Variants in SLC17A1 observed in about 807,000 individuals in gnomAD.
SLC17A1 encodes the protein sodium-dependent phosphate transport protein 1.
Under a neutral mutation model 53.5 loss-of-function variants are expected in SLC17A1, and 51 were observed. That is an observed-to-expected ratio of 0.95 (90% confidence interval 0.76 to 1.20). The LOEUF is 1.20. SLC17A1 is among the 50% of genes most tolerant of loss of function. The pLI is 0.00. For synonymous variants in SLC17A1, 179 were observed against 198.8 expected (o/e 0.90, Z 0.84); for missense variants, 538 against 568.2 (o/e 0.95, Z 0.54).
the SLC17A1 span, among the ~76,000 whole-genome samples, chr6:25,746,856 G>A: frequency 6.6e-6 from 1 of 152,132 alleles, no homozygotes; most frequent in African/African-American, 2.4e-5. Flanking sequence ...AGGATTGATG[G>A]TATGCCACTT....
chr6:25,730,048 T>C, the SLC17A1 span, among the ~76,000 whole-genome samples: 1 of 152,198 alleles, frequency 6.6e-6, no homozygotes, highest in African/African-American at 2.4e-5. Context: ...GTGCTTCAAA[T>C]AAGATTGAAA....
chr6:25,726,010 T>C, the SLC17A1 span: 6 of 859,512 alleles, frequency 7.0e-6, no homozygotes, highest in South Asian at 7.2e-5. Context: ...GCAAGTAAGA[T>C]GGCTGGTTAA....
intron 3 of SLC17A1, among the ~76,000 whole-genome samples, chr6:25,822,962 C>T (rs1764616736): frequency 6.6e-6 from 1 of 152,000 alleles, no homozygotes; most frequent in African/African-American, 2.4e-5. Flanking sequence ...TAATTCCTCC[C>T]TCCTGCCCTC....
At chr6:25,793,038 T>C (rs886625783) in intron 12 of SLC17A1, among the ~76,000 whole-genome samples, 5 of 152,310 alleles carry the variant, frequency 3.3e-5, no homozygotes, top group African/African-American at 9.6e-5. Flanking sequence ...ATAGACAGAA[T>C]TGGATGCAAA....
the SLC17A1 span, among the ~76,000 whole-genome samples, chr6:25,737,493 A>G: frequency 2.1e-3 from 318 of 152,196 alleles, 1 homozygote; most frequent in African/African-American, 7.2e-3. Flanking sequence ...GAGTAGTAAT[A>G]AAACTCTAGT....
At chr6:25,723,961 A>G in the SLC17A1 span, among the ~76,000 whole-genome samples, 2 of 152,362 alleles carry the variant, frequency 1.3e-5, no homozygotes, top group South Asian at 4.1e-4. Flanking sequence ...CAGAAATGAC[A>G]GAATAAGGAA....
intron 12 of SLC17A1, among the ~76,000 whole-genome samples, chr6:25,788,041 G>C (rs1763420955): frequency 6.6e-6 from 1 of 152,170 alleles, no homozygotes; most frequent in Non-Finnish European, 1.5e-5. Flanking sequence ...GAATCTGGTG[G>C]TTCTGTAACA....
chr6:25,802,227 T>C (rs1763801019), intron 10 of SLC17A1, among the ~76,000 whole-genome samples: 1 of 152,200 alleles, frequency 6.6e-6, no homozygotes, highest in African/African-American at 2.4e-5. Context: ...TTTTTTATCT[T>C]CCAATTTGGA....
At chr6:25,779,138 C>A (rs375813431), downstream of SLC17A1, 122 of 1,613,708 alleles carry the variant, frequency 7.6e-5, no homozygotes, top group Non-Finnish European at 9.9e-5. Context: ...CATCTTTGGC[C>A]GAGCAGATGT....
intron 10 of SLC17A1, among the ~76,000 whole-genome samples, chr6:25,810,564 C>T (rs1764118275): frequency 6.6e-6 from 1 of 152,102 alleles, no homozygotes; most frequent in Non-Finnish European, 1.5e-5. Flanking sequence ...TATCCCCCTA[C>T]ACCTGTTAGA....
At chr6:25,799,330 CT>C (rs1470914370) in intron 11 of SLC17A1, among the ~76,000 whole-genome samples, 4 of 151,730 alleles carry the variant, frequency 2.6e-5, no homozygotes, top group Non-Finnish European at 5.9e-5. Flanking sequence ...TCTATTGTAA[CT>C]ATTATTTTGT....
At chr6:25,824,013 C>T (rs1051773926) in intron 3 of SLC17A1, among the ~76,000 whole-genome samples, 1 of 151,638 alleles carries the variant, frequency 6.6e-6, no homozygotes, top group African/African-American at 2.4e-5. Flanking sequence ...AAAGTTTTCT[C>T]AACAAATTGG....
the SLC17A1 span, among the ~76,000 whole-genome samples, chr6:25,725,458 T>C: frequency 0.24 from 36,748 of 152,120 alleles, 4,585 homozygotes; most frequent in Middle Eastern, 0.28. Context: ...TTCGTGAAAC[T>C]ACCATATTTG....
chr6:25,744,606 A>T, the SLC17A1 span, among the ~76,000 whole-genome samples: 1 of 152,166 alleles, frequency 6.6e-6, no homozygotes, highest in Non-Finnish European at 1.5e-5. Context: ...TTTACTCTCC[A>T]TGCTCTTGAG....
At chr6:25,766,402 A>C in the SLC17A1 span, among the ~76,000 whole-genome samples, 1 of 152,264 alleles carries the variant, frequency 6.6e-6, no homozygotes. Context: ...TTCATATAGC[A>C]CTCTACCTTC....
At chr6:25,747,292 T>A in the SLC17A1 span, among the ~76,000 whole-genome samples, 10 of 152,354 alleles carry the variant, frequency 6.6e-5, no homozygotes, top group South Asian at 1.2e-3. Context: ...AGAATAAATA[T>A]GTAGATCATG....
chr6:25,770,983 T>C, the SLC17A1 span: 10 of 1,613,892 alleles, frequency 6.2e-6, no homozygotes, highest in Non-Finnish European at 8.5e-6. Flanking sequence ...TGCCAGACCA[T>C]AGGATGGCCT....
chr6:25,745,274 G>A, the SLC17A1 span, among the ~76,000 whole-genome samples: 2 of 152,152 alleles, frequency 1.3e-5, no homozygotes, highest in African/African-American at 2.4e-5. Context: ...AGAAATGTTA[G>A]TGGAAGTTTT....
chr6:25,779,251 T>C (rs1255561250), downstream of SLC17A1: 2 of 1,595,582 alleles, frequency 1.3e-6, no homozygotes, highest in Non-Finnish European at 1.7e-6. Context: ...TCACAGACAT[T>C]TCTCTTTCAT....
Sources: allele counts gnomAD v4.1 joint callset (sites outside exome capture counted in the v4.1 genomes callset), GRCh38; gene constraint gnomAD v4.1.1; transcripts MANE v1.5; gene names NCBI Gene and HGNC (gene_info 2026-07-23, HGNC 2026-07-21).